Variants in PPP2CB observed in about 807,000 individuals in gnomAD.
The protein encoded by PPP2CB is serine/threonine-protein phosphatase 2A catalytic subunit beta isoform.
In PPP2CB, 18 loss-of-function variants were observed where a neutral mutation model predicts 39.1. That is an observed-to-expected ratio of 0.46 (90% CI 0.32 to 0.68). PPP2CB has a LOEUF of 0.68. PPP2CB is among the 30% of genes least tolerant of loss of function. The pLI is 0.04. For missense variants in PPP2CB, 226 were observed against 396.9 expected, an observed-to-expected ratio of 0.57 and a Z score of 3.66; for synonymous variants, 129 against 133.8, an observed-to-expected ratio of 0.96 and a Z score of 0.25.
chr8:30,791,864 G>A (rs972926894), intron 5 of PPP2CB, among the ~76,000 whole-genome samples: 3 of 151,312 alleles, frequency 2.0e-5, no homozygotes, highest in African/African-American at 7.3e-5. Context: ...GTGTATATAT[G>A]TATATATGTG....
At chr8:30,802,291 G>A (rs1282610873) in intron 1 of PPP2CB, among the ~76,000 whole-genome samples, 2 of 152,112 alleles carry the variant, frequency 1.3e-5, no homozygotes, top group African/African-American at 4.8e-5. Context: ...TTTACCAGAA[G>A]CCAAGTTTAT....
intron 1 of PPP2CB, 148 bp downstream of exon 1, chr8:30,812,172 G>T (rs1586130487): frequency 2.5e-6 from 1 of 405,306 alleles, no homozygotes; most frequent in Non-Finnish European, 3.8e-6. Flanking sequence ...TGGGCCGGCC[G>T]CCTAGGTGGA....
At position 30,795,470 on chromosome 8, in the gene PPP2CB, CTTAATA is replaced by C. The variant is rs568791363; in HGVS notation, c.487-1195_487-1190del. Among the ~76,000 whole-genome samples, 43 of 152,212 alleles carry C rather than the reference CTTAATA, an allele frequency of 2.8e-4. No homozygotes were observed. The South Asian group carries it at 6.0e-3, about 21-fold the overall frequency. On this transcript the variant is annotated intron_variant, in intron 3 of 6. Coordinates refer to ENST00000221138, the MANE Select transcript of PPP2CB (RefSeq NM_001009552.2). ...AGTACAACTGGCGTTTCTTTATCCA[CTTAATA>C]TTATTATTTTATAAAATAACTGAGT...
At chr8:30,803,211 T>C (rs1806655351) in intron 1 of PPP2CB, among the ~76,000 whole-genome samples, 1 of 152,130 alleles carries the variant, frequency 6.6e-6, no homozygotes, top group South Asian at 2.1e-4. Flanking sequence ...GACATGGTCT[T>C]AATCTTCTTG....
intron 5 of PPP2CB, among the ~76,000 whole-genome samples, chr8:30,792,119 C>A (rs558987847): frequency 2.6e-5 from 4 of 151,618 alleles, no homozygotes; most frequent in Non-Finnish European, 4.4e-5. Context: ...TGCAGTGGTG[C>A]GATCTAGACT....
At chr8:30,809,787 AT>A (rs1390705249) in intron 1 of PPP2CB, among the ~76,000 whole-genome samples, 1 of 152,100 alleles carries the variant, frequency 6.6e-6, no homozygotes, top group Non-Finnish European at 1.5e-5. Flanking sequence ...AAATAAAAAA[AT>A]TATCCCGGTG....
intron 1 of PPP2CB, among the ~76,000 whole-genome samples, chr8:30,804,856 A>T (rs1806692166): frequency 6.6e-6 from 1 of 152,118 alleles, no homozygotes; most frequent in Non-Finnish European, 1.5e-5. Context: ...AAACCACATT[A>T]TAAAGAATTT....
chr8:30,794,488 CCCT>C, intron 3 of PPP2CB: 5 of 425,540 alleles, frequency 1.2e-5, no homozygotes, highest in Admixed American at 4.6e-5. Flanking sequence ...TTTTTTTTTC[CCCT>C]CCCTCCCTCC....
intron 1 of PPP2CB, chr8:30,809,997 G>A (rs1474890054): frequency 4.7e-5 from 7 of 150,068 alleles, no homozygotes; most frequent in Non-Finnish European, 1.0e-4. Context: ...TACCTGTGAA[G>A]TCCTAGGAAC....
chr8:30,791,885 T>G (rs1806437799), intron 5 of PPP2CB, among the ~76,000 whole-genome samples: 1 of 152,024 alleles, frequency 6.6e-6, no homozygotes, highest in Non-Finnish European at 1.5e-5. Flanking sequence ...TGTGCATATA[T>G]GTATACATGT....
intron 1 of PPP2CB, among the ~76,000 whole-genome samples, chr8:30,803,568 G>T (rs1179060374): frequency 3.3e-5 from 5 of 150,952 alleles, no homozygotes; most frequent in African/African-American, 1.2e-4. Flanking sequence ...CAGCTTCCTG[G>T]ACCTGCCCAA....
chr8:30,794,473 C>CTT (rs61107762), intron 3 of PPP2CB, 192 bp from the exon 4 acceptor site: 410 of 396,326 alleles, frequency 1.0e-3, no homozygotes, highest in Admixed American at 3.1e-3. Flanking sequence ...CATTAAATTT[C>CTT]TTTTTTTTTT....
At chr8:30,812,252 G>T in intron 1 of PPP2CB, 68 bp downstream of exon 1, 1 of 1,250,842 alleles carries the variant, frequency 8.0e-7, no homozygotes, top group Non-Finnish European at 1.0e-6. Flanking sequence ...GACGGGACCG[G>T]GGCGGGCAGG....
At chr8:30,792,402 T>C (rs942947897) in intron 5 of PPP2CB, among the ~76,000 whole-genome samples, 2 of 151,824 alleles carry the variant, frequency 1.3e-5, no homozygotes, top group Non-Finnish European at 2.9e-5. Flanking sequence ...TATACCAATA[T>C]ACCATTTTCC....
intron 1 of PPP2CB, among the ~76,000 whole-genome samples, chr8:30,800,227 G>A (rs1017425961): frequency 1.3e-5 from 2 of 152,206 alleles, no homozygotes; most frequent in African/African-American, 4.8e-5. Context: ...ATGAAGAAAT[G>A]AAGTACTGAT....
At chr8:30,794,976 C>T (rs1806495480) in intron 3 of PPP2CB, among the ~76,000 whole-genome samples, 1 of 152,076 alleles carries the variant, frequency 6.6e-6, no homozygotes, top group Non-Finnish European at 1.5e-5. Context: ...GTGCATTGGC[C>T]AGGACTTCTA....
At chr8:30,801,213 A>C (rs1314798402) in intron 1 of PPP2CB, among the ~76,000 whole-genome samples, 4 of 148,568 alleles carry the variant, frequency 2.7e-5, no homozygotes, top group Non-Finnish European at 1.5e-5. Context: ...GACAAAAGAA[A>C]AAAAAGGCAA....
At position 30,812,755 on chromosome 8, in the gene PPP2CB, C is replaced by T. The variant is rs1054260685; in HGVS notation, c.-334G>A. On this transcript the variant is annotated 5_prime_UTR_variant, in exon 1 of 7. Transcript: ENST00000221138. Reference sequence around the variant, plus strand: ...TAGCTCTCGCCGGACGAAGGCCGCCCGCTGCCGCTTCAGGCCCGCCTCACG... The same window carrying T: ...TAGCTCTCGCCGGACGAAGGCCGCCTGCTGCCGCTTCAGGCCCGCCTCACG... 8 of 470,934 alleles carry T rather than the reference C, an allele frequency of 1.7e-5. No homozygotes were observed. Among genetic ancestry groups the T allele is most frequent in the Non-Finnish European group, 3.0e-5 (7 of 237,146 alleles). 29.2% of individuals were successfully genotyped at this position (470,934 alleles called of 1,614,324 possible).
At chr8:30,786,408 TC>T in intron 6 of PPP2CB, 101 bp from the exon 7 acceptor site, 1 of 952,536 alleles carries the variant, frequency 1.0e-6, no homozygotes, top group Non-Finnish European at 1.6e-6. Context: ...AGTCCTGCTT[TC>T]CCACCATGAC....
Sources: gnomAD v4.1 joint callset for allele counts (sites outside exome capture counted in the v4.1 genomes callset) on GRCh38, gnomAD v4.1.1 for gene constraint, MANE v1.5 for transcripts, NCBI Gene and HGNC (gene_info 2026-07-23, HGNC 2026-07-21) for gene names.